Variants in CHD7 observed in about 807,000 individuals in gnomAD.
The protein encoded by CHD7 is chromodomain helicase DNA binding protein 7.
In CHD7, 24 loss-of-function variants were observed where a neutral mutation model predicts 307.3. That is an observed-to-expected ratio of 0.08 (90% CI 0.06 to 0.11). CHD7 has a LOEUF of 0.11. Ranked by LOEUF, CHD7 falls within the 10% of genes least tolerant of loss-of-function variation. The probability of loss-of-function intolerance (pLI) is 1.00; values close to 1 mark genes in which losing one functional copy is unlikely to be tolerated. For synonymous variants in CHD7, 1,363 were observed against 1,349.9 expected (o/e 1.01, Z -0.21); for missense variants, 3,106 against 3,727.1 (o/e 0.83, Z 4.34).
intron 3 of CHD7, among the ~76,000 whole-genome samples, chr8:60,783,305 G>A (rs958088329): frequency 6.6e-6 from 1 of 152,162 alleles, no homozygotes; most frequent in Admixed American, 6.5e-5. Flanking sequence ...AATGAAATTT[G>A]TTAAAATTTT....
chr8:60,714,695 A>G (rs1807490609), intron 1 of CHD7, among the ~76,000 whole-genome samples: 1 of 150,916 alleles, frequency 6.6e-6, no homozygotes, highest in Non-Finnish European at 1.5e-5. Context: ...GCCCTCCCTC[A>G]TGGCTCCCGC....
intron 2 of CHD7, among the ~76,000 whole-genome samples, chr8:60,756,711 G>C (rs942684778): frequency 6.6e-6 from 1 of 152,016 alleles, no homozygotes; most frequent in African/African-American, 2.4e-5. Context: ...ACACACATAC[G>C]CGCATACACA....
In CHD7 at chr8:60,821,917, C is replaced by G. The variant is rs1386173343; in HGVS notation, c.2825C>G (p.Thr942Arg). 1 of 1,613,098 alleles carries G rather than the reference C, an allele frequency of 6.2e-7. No individual in the cohort carries two copies. The change falls in exon 10 of 38, where the codon ACA becomes AGA. Residue 942 changes from threonine (T) to arginine (R), a missense_variant. Physicochemically the swap from Thr to Arg is moderately conservative, Grantham distance 71 (BLOSUM62 -1). Coordinates refer to ENST00000423902, the MANE Select transcript of CHD7 (RefSeq NM_017780.4). ...AAACTAATGTCCAGGGAGCCGGAAA[C>G]AGAGCGTGTGGTAAGAATTGGCTGA... Reference protein sequence around the residue: ...FEKLMSREPETERVERPPADD... With the variant: ...FEKLMSREPERERVERPPADD...
intron 24 of CHD7, 112 bp from the exon 25 acceptor site, chr8:60,848,939 C>G (rs1394845790): frequency 1.1e-6 from 1 of 875,052 alleles, no homozygotes; most frequent in East Asian, 2.6e-5. Flanking sequence ...TGATACCTCC[C>G]CACCATGCTC....
intron 6 of CHD7, among the ~76,000 whole-genome samples, chr8:60,807,349 C>A (rs1006069741): frequency 6.6e-6 from 1 of 152,112 alleles, no homozygotes; most frequent in East Asian, 1.9e-4. Context: ...TATTTTAGAT[C>A]CCTGATTTAT....
chr8:60,812,905 G>A (rs924454280), intron 7 of CHD7, among the ~76,000 whole-genome samples: 41 of 151,786 alleles, frequency 2.7e-4, no homozygotes, highest in Non-Finnish European at 2.5e-4. Context: ...ATTGTTTTCC[G>A]GGATATTCTT....
chr8:60,801,372 G>A (rs759468653), intron 5 of CHD7, among the ~76,000 whole-genome samples, 156 bp from the exon 6 acceptor site: 2 of 152,118 alleles, frequency 1.3e-5, no homozygotes, highest in Non-Finnish European at 2.9e-5. Flanking sequence ...AGTAGAGTGA[G>A]ATTTTTGTTC....
At chr8:60,760,298 A>G (rs1436289554) in intron 2 of CHD7, among the ~76,000 whole-genome samples, 1 of 151,778 alleles carries the variant, frequency 6.6e-6, no homozygotes. Context: ...ATATGTAGAA[A>G]GCTGAAACTG....
At chr8:60,830,625 C>T (rs1281615624) in intron 15 of CHD7, 48 bp downstream of exon 15, 1 of 1,592,744 alleles carries the variant, frequency 6.3e-7, no homozygotes, top group African/African-American at 1.3e-5. Context: ...ATTGAAGCAC[C>T]AGAAATCCCT....
rs1194652365 is a variant in CHD7, at chr8:60,862,351, A to G, written c.7971+15A>G. ...ATGGGAAGAAGGTAAACGCTGGGAA[A>G]GGGAATTGATCACTATGCGATTTCT... On this transcript the variant is annotated intron_variant, in intron 36 of 37. Coordinates refer to ENST00000423902, the MANE Select transcript of CHD7 (RefSeq NM_017780.4). 1.9e-6 allele frequency: 3 copies of G among 1,595,188 alleles called. No homozygotes were observed. In the Middle Eastern group the frequency reaches 5.0e-4, roughly 267 times the overall value.
At chr8:60,838,406 T>C (rs764214741) in intron 19 of CHD7, among the ~76,000 whole-genome samples, 151 bp downstream of exon 19, 1 of 152,252 alleles carries the variant, frequency 6.6e-6, no homozygotes, top group Non-Finnish European at 1.5e-5. Context: ...TGAAGCTTTC[T>C]TTATGCTTTG....
Position 60,743,246 on chromosome 8 carries a change from T to C in CHD7, c.1665+149T>C, listed in dbSNP as rs116538971. 5,404 of 732,788 alleles carry C rather than the reference T, an allele frequency of 7.4e-3. 196 individuals carry two copies. The African/African-American group carries it at 0.082, about 11-fold the overall frequency. The allele number at this position is 732,788 out of a possible 1,614,324, so 45.4% of individuals were successfully genotyped here. On this transcript the variant is annotated intron_variant, in intron 2 of 37. Transcript: ENST00000423902. ...TTGTTATTGGCTTATGCATTTATTT[T>C]ATTCAGGCATCAATCTCCCTGTCCC...
Position 60,852,999 on chromosome 8 carries a change from G to C in CHD7, c.6274G>C (p.Glu2092Gln). The C allele has an allele frequency of 1.2e-6, 2 of 1,614,020 alleles. No individual in the cohort carries two copies. Among genetic ancestry groups the C allele is most frequent in the Non-Finnish European group, 1.7e-6 (2 of 1,179,900 alleles). Reference protein sequence around the residue: ...QPSLDLPEWWECGRHDRDLLV... With the variant: ...QPSLDLPEWWQCGRHDRDLLV... Reference sequence around the variant, plus strand: ...AAGCTTGGATCTGCCAGAGTGGTGGGAGTGTGGACGGCATGACCGAGACTT... The same window carrying C: ...AAGCTTGGATCTGCCAGAGTGGTGGCAGTGTGGACGGCATGACCGAGACTT... Residue 2092 changes from glutamate (E) to glutamine (Q), a missense_variant, in exon 31 of 38, where the codon GAG becomes CAG. Glu to Gln is a conservative substitution (Grantham distance 29, BLOSUM62 2). This residue lies in a region of CHD7 where 1,030 missense variants were observed against 1,165.4 expected (regional missense o/e 0.88). Transcript: ENST00000423902.
intron 13 of CHD7, among the ~76,000 whole-genome samples, chr8:60,826,659 A>G (rs532609371): frequency 6.6e-6 from 1 of 152,346 alleles, no homozygotes; most frequent in Admixed American, 6.5e-5. Flanking sequence ...GCAGACACCA[A>G]GGAAATGTTT....
In CHD7 at chr8:60,837,107, G is replaced by A. The variant is rs147554897; in HGVS notation, c.4185+95G>A. 9.5e-4 allele frequency: 904 copies of A among 954,956 alleles called. 18 individuals are homozygous for A. In the East Asian group the frequency reaches 0.018, roughly 19 times the overall value. 59.2% of individuals were successfully genotyped at this position (954,956 alleles called of 1,614,324 possible). ...AGTCAGACCCATAAATTAATGTTGCGTCGTCACTCAGGCTGTGTCCTATGA... is the reference window on the plus strand; with the variant it reads ...AGTCAGACCCATAAATTAATGTTGCATCGTCACTCAGGCTGTGTCCTATGA... On this transcript the variant is annotated intron_variant, in intron 17 of 37. Transcript: ENST00000423902.
At chr8:60,727,754 G>C (rs1808244537) in intron 1 of CHD7, among the ~76,000 whole-genome samples, 2 of 152,142 alleles carry the variant, frequency 1.3e-5, no homozygotes, top group South Asian at 4.1e-4. Flanking sequence ...CCATATCTCA[G>C]CTCAGCATTC....
chr8:60,791,346 G>A (rs1054294658), intron 3 of CHD7, among the ~76,000 whole-genome samples: 5 of 152,210 alleles, frequency 3.3e-5, no homozygotes, highest in Non-Finnish European at 5.9e-5. Context: ...TGTGGCTGTC[G>A]GCTTGAGCTA....
intron 12 of CHD7, 83 bp from the exon 13 acceptor site, chr8:60,823,757 G>A (rs997376949): frequency 1.5e-5 from 17 of 1,118,140 alleles, no homozygotes; most frequent in Admixed American, 3.9e-5. Flanking sequence ...GGATAAATAC[G>A]TATGTTTTAT....
intron 1 of CHD7, among the ~76,000 whole-genome samples, chr8:60,704,048 CT>C (rs1352461047): frequency 1.3e-5 from 2 of 152,046 alleles, no homozygotes; most frequent in East Asian, 1.9e-4. Context: ...CTTTTTTCCC[CT>C]GATGCTTCCC....
Sources: allele counts gnomAD v4.1 joint callset (sites outside exome capture counted in the v4.1 genomes callset), GRCh38; gene constraint gnomAD v4.1.1; regional missense constraint gnomAD v4.1.1; transcripts MANE v1.5; gene names NCBI Gene and HGNC (gene_info 2026-07-23, HGNC 2026-07-21).